The following INO80D variants were observed in gnomAD, a reference collection of about 807,000 sequenced individuals.
INO80D encodes INO80 complex subunit D.
INO80D carries 21 observed loss-of-function variants against 87.6 expected under a neutral mutation model. That is an observed-to-expected ratio of 0.24 (90% CI 0.17 to 0.35). INO80D has a LOEUF of 0.35. Ranked by LOEUF, INO80D falls within the 10% of genes least tolerant of loss-of-function variation. INO80D has a pLI of 1.00. For synonymous variants in INO80D, 440 were observed against 491.0 expected (o/e 0.90, Z 1.37); for missense variants, 982 against 1,280.7 (o/e 0.77, Z 3.56).
chr2:206,063,068 GAAA>G (rs1055932227), intron 2 of INO80D, 23 bp from the exon 3 acceptor site: 1 of 1,262,306 alleles, frequency 7.9e-7, no homozygotes, highest in Non-Finnish European at 1.1e-6. Context: ...CACAAAAAAA[GAAA>G]CCCAAATGAT....
intron 1 of INO80D, among the ~76,000 whole-genome samples, chr2:206,082,847 A>G (rs7603998): frequency 0.053 from 8,076 of 152,302 alleles, 267 homozygotes; most frequent in African/African-American, 0.086. Flanking sequence ...GGGTGCTCTC[A>G]GAAATGTTTA....
Position 206,012,002 on chromosome 2 carries a change from C to A in INO80D, c.1543-2208G>T, listed in dbSNP as rs74468562. Among the ~76,000 whole-genome samples the A allele has an allele frequency of 5.7e-3, 867 of 152,218 alleles. 24 individuals are homozygous for A. The East Asian group carries it at 0.061, about 11-fold the overall frequency. ...GAATGAAAGGAAGGAGTGAGCAATGCGGAAACTTGGGAAAAGGCCAAGTGT... is the reference window on the plus strand; with the variant it reads ...GAATGAAAGGAAGGAGTGAGCAATGAGGAAACTTGGGAAAAGGCCAAGTGT... On this transcript the variant is annotated intron_variant, in intron 8 of 10. Transcript: ENST00000403263.
At position 206,004,319 on chromosome 2, in the gene INO80D, A is replaced by C; in HGVS notation, c.*49T>G. 6.7e-7 allele frequency: 1 copy of C among 1,489,916 alleles called. No individual in the cohort carries two copies. The highest frequency in any genetic ancestry group is 1.7e-4 in the Middle Eastern group (1 of 5,808). 92.3% of individuals were successfully genotyped at this position (1,489,916 alleles called of 1,614,324 possible). A position where few individuals can be genotyped will look rare whatever the true frequency, so the allele number is the denominator to read the frequency against. On this transcript the variant is annotated 3_prime_UTR_variant, in exon 11 of 11. Coordinates refer to ENST00000403263, the MANE Select transcript of INO80D (RefSeq NM_017759.5). This position sits in a 1 kb window ranked among gnomAD's most constrained non-coding sequence, Gnocchi z 4.9. ...GAGAGGGGTGCTAAAGAGGAAACAA[A>C]GATAGAAAACACTGGGTTCCCCACC...
At position 206,000,498 on chromosome 2, in the gene INO80D, T is replaced by G. The variant is rs1175521527; in HGVS notation, c.*3870A>C. On this transcript the variant is annotated 3_prime_UTR_variant, in exon 11 of 11. Coordinates refer to ENST00000403263, the MANE Select transcript of INO80D (RefSeq NM_017759.5). ...CTAATCCCACTTTATAAAAACAGAA[T>G]GGTATAGGTCAACAGAAAGGTCAAT... 2.0e-5 allele frequency: 3 copies of G among 150,538 alleles called. No individual in the cohort carries two copies. Among genetic ancestry groups the G allele is most frequent in the Non-Finnish European group, 4.4e-5 (3 of 67,742 alleles). 9.3% of individuals were successfully genotyped at this position (150,538 alleles called of 1,614,324 possible).
chr2:206,039,278 T>C (rs1203361290), intron 5 of INO80D, among the ~76,000 whole-genome samples: 1 of 151,756 alleles, frequency 6.6e-6, no homozygotes, highest in East Asian at 1.9e-4. Context: ...ATGCCTGTAA[T>C]CCCACCTACT....
chr2:206,020,459 T>C (rs1315059287), intron 6 of INO80D, among the ~76,000 whole-genome samples: 1 of 152,090 alleles, frequency 6.6e-6, no homozygotes. Context: ...CCCATAAATC[T>C]GCAAAAAAAC....
At chr2:206,009,076 G>A (rs1688101233) in intron 9 of INO80D, among the ~76,000 whole-genome samples, 3 of 152,170 alleles carry the variant, frequency 2.0e-5, no homozygotes, top group South Asian at 2.1e-4. Flanking sequence ...TTGGGAGGCC[G>A]AGGCAGGTGG....
chr2:206,022,465 C>G (rs6747107), intron 6 of INO80D, among the ~76,000 whole-genome samples: 50,595 of 151,886 alleles, frequency 0.33, 8,998 homozygotes, highest in South Asian at 0.58. Context: ...AGGGAATTAC[C>G]AAAACTTTTT....
chr2:206,023,454 G>A (rs1175276898), intron 6 of INO80D, among the ~76,000 whole-genome samples: 1 of 151,940 alleles, frequency 6.6e-6, no homozygotes, highest in East Asian at 1.9e-4. Flanking sequence ...GAGGCCGGGG[G>A]AGGCAGATCA....
chr2:206,072,131 TCA>T (rs1689988492), intron 1 of INO80D, among the ~76,000 whole-genome samples: 1 of 152,156 alleles, frequency 6.6e-6, no homozygotes, highest in South Asian at 2.1e-4. Context: ...TCGGGGTGTG[TCA>T]CTTTCTTGAG....
At chr2:206,048,243 T>C (rs996629053) in intron 4 of INO80D, among the ~76,000 whole-genome samples, 30 of 152,110 alleles carry the variant, frequency 2.0e-4, no homozygotes, top group African/African-American at 5.1e-4. Context: ...CAGTATTTAT[T>C]AATATTTTGT....
In INO80D at chr2:205,997,305, G is replaced by C. The variant is rs946704009; in HGVS notation, c.*7063C>G. The C allele has an allele frequency of 6.6e-6, 1 of 151,734 alleles. No individual in the cohort carries two copies. The allele number at this position is 151,734 out of a possible 1,614,324, so 9.4% of individuals were successfully genotyped here. ...TTCCTATAGCTGAAATATGGGGATGGGAGCACTCTTAAGTTAATAAATAAC... is the reference window on the plus strand; with the variant it reads ...TTCCTATAGCTGAAATATGGGGATGCGAGCACTCTTAAGTTAATAAATAAC... On this transcript the variant is annotated 3_prime_UTR_variant, in exon 11 of 11. Transcript: ENST00000403263.
chr2:206,057,054 T>C, intron 3 of INO80D, 111 bp from the exon 4 acceptor site: 1 of 1,047,854 alleles, frequency 9.5e-7, no homozygotes, highest in Non-Finnish European at 1.3e-6. Context: ...CTATAGTGAC[T>C]CTTGGCAGCC....
intron 5 of INO80D, among the ~76,000 whole-genome samples, chr2:206,045,098 A>T (rs1438133958): frequency 6.6e-6 from 1 of 152,206 alleles, no homozygotes; most frequent in Non-Finnish European, 1.5e-5. Flanking sequence ...GAATAGATAC[A>T]TCATGCTATT....
rs1484412132 is a variant in INO80D at position 206,085,525 on chromosome 2, G to A, written c.-124+376C>T. Reference sequence around the variant, plus strand: ...CGGGGGACTCGAGGGGGCGCGCGGAGGCCCGGGGTGCGGGGGCAGGGCGCG... The same window carrying A: ...CGGGGGACTCGAGGGGGCGCGCGGAAGCCCGGGGTGCGGGGGCAGGGCGCG... On this transcript the variant is annotated intron_variant, in intron 1 of 10. Transcript: ENST00000403263. This position sits in a 1 kb window ranked among gnomAD's most constrained non-coding sequence, Gnocchi z 4.5. 4 of 150,666 alleles carry A rather than the reference G, an allele frequency of 2.7e-5. No homozygotes were observed. Among genetic ancestry groups the A allele is most frequent in the African/African-American group, 7.3e-5 (3 of 41,342 alleles). The allele number at this position is 150,666 out of a possible 1,614,324, so 9.3% of individuals were successfully genotyped here.
chr2:206,039,169 G>A (rs781401499), intron 5 of INO80D, among the ~76,000 whole-genome samples: 1 of 152,070 alleles, frequency 6.6e-6, no homozygotes. Flanking sequence ...AGGCCAAGGC[G>A]GGCAGATCAC....
chr2:206,023,943 A>G (rs529289588), intron 6 of INO80D, among the ~76,000 whole-genome samples: 61 of 152,304 alleles, frequency 4.0e-4, no homozygotes, highest in Non-Finnish European at 7.5e-4. Flanking sequence ...AATCATAGAT[A>G]TATACAGTTT....
Position 206,080,828 on chromosome 2 carries a change from G to C in INO80D, c.-124+5073C>G, listed in dbSNP as rs924116909. ...TGAGGCAGGAGAATGGCGTGAACCC[G>C]GGAGGTGAAGCTTGCAGTGAGCTGA... On this transcript the variant is annotated intron_variant, in intron 1 of 10. Transcript: ENST00000403263. Among the ~76,000 whole-genome samples, 74 of 149,042 alleles carry C rather than the reference G, an allele frequency of 5.0e-4. 1 individual carries two copies. The highest frequency in any genetic ancestry group is 1.6e-3 in the African/African-American group (65 of 40,294).
chr2:206,007,296 C>A lies in INO80D; in HGVS notation c.1906G>T (p.Asp636Tyr). The A allele has an allele frequency of 6.2e-7, 1 of 1,612,270 alleles. No homozygotes were observed. The highest frequency in any genetic ancestry group is 2.2e-5 in the East Asian group (1 of 44,848). ...ATATTGACTATACCTTCAAAAAAAT[C>A]AAAATCTTGTAAGTCATCAGGTAGC... is the stretch of plus-strand genomic sequence containing the variant. ...PRLPDDLQDF[D>Y]FFEGKNGDLL... Residue 636 changes from aspartate to tyrosine, a missense_variant, in exon 10 of 11, where the codon GAT becomes TAT. Asp to Tyr is a radical substitution (Grantham distance 160). Transcript: ENST00000403263.
Sources: gnomAD v4.1 joint callset for allele counts (sites outside exome capture counted in the v4.1 genomes callset) on GRCh38, gnomAD v4.1.1 for gene constraint, Gnocchi (gnomAD v3.1) non-coding constraint, MANE v1.5 for transcripts, NCBI Gene and HGNC (gene_info 2026-07-23, HGNC 2026-07-21) for gene names.